Variants in PYHIN1 observed in about 807,000 individuals in gnomAD.
PYHIN1 encodes pyrin and HIN domain family member 1.
A neutral mutation model predicts 43.7 loss-of-function variants in PYHIN1; 32 were observed. The ratio of observed to expected loss-of-function variants is 0.73; its 90% CI spans 0.55 to 0.98. The LOEUF (loss-of-function observed/expected upper bound fraction) is 0.98. PYHIN1 is among the 50% of genes least tolerant of loss of function. The pLI, the probability that PYHIN1 is intolerant of heterozygous loss-of-function variation, is 0.00. For synonymous variants in PYHIN1, 205 were observed against 203.1 expected (o/e 1.01, Z -0.08); for missense variants, 588 against 589.5 (o/e 1.00, Z 0.03).
At chr1:158,964,939 T>A (rs1650543887) in intron 7 of PYHIN1, among the ~76,000 whole-genome samples, 1 of 151,632 alleles carries the variant, frequency 6.6e-6, no homozygotes, top group African/African-American at 2.4e-5. Context: ...AGTCACAGAG[T>A]GGCAGGCTGG....
chr1:158,959,577 G>C (rs1650204085), intron 7 of PYHIN1, among the ~76,000 whole-genome samples: 1 of 152,134 alleles, frequency 6.6e-6, no homozygotes, highest in Admixed American at 6.5e-5. Context: ...AAACCTTCCG[G>C]CCTTCCAAGA....
intron 7 of PYHIN1, among the ~76,000 whole-genome samples, chr1:158,948,566 T>C (rs1228631802): frequency 2.0e-5 from 3 of 152,238 alleles, no homozygotes; most frequent in African/African-American, 7.2e-5. Context: ...CAAGAATCTT[T>C]TGATCTATAC....
chr1:158,980,674 C>T (rs1052505031), downstream of PYHIN1, among the ~76,000 whole-genome samples: 10 of 152,032 alleles, frequency 6.6e-5, no homozygotes, highest in African/African-American at 9.7e-5. Flanking sequence ...CAGACCGGTT[C>T]TCTGCTCTCG....
At chr1:158,953,453 G>A (rs1280579536) in intron 7 of PYHIN1, among the ~76,000 whole-genome samples, 18 of 150,532 alleles carry the variant, frequency 1.2e-4, no homozygotes, top group Non-Finnish European at 2.2e-4. Flanking sequence ...CCTGACCCCC[G>A]AGCAGCCTAA....
downstream of PYHIN1, among the ~76,000 whole-genome samples, chr1:158,980,761 C>T (rs1487811688): frequency 2.0e-5 from 3 of 152,148 alleles, no homozygotes. Flanking sequence ...ATCAGTGGTT[C>T]TGCTTTTACC....
intron 5 of PYHIN1, among the ~76,000 whole-genome samples, chr1:158,942,905 A>C (rs1649002303): frequency 6.6e-6 from 1 of 152,208 alleles, no homozygotes; most frequent in Non-Finnish European, 1.5e-5. Flanking sequence ...TTCTGACCAA[A>C]TGAAATGCAT....
Position 158,946,547 on chromosome 1 carries a change from TTAGATAGATAGATAGA to T in PYHIN1, c.1359+1535_1359+1550del, listed in dbSNP as rs4053507. On this transcript the variant is annotated intron_variant, in intron 7 of 8. Transcript: ENST00000368140. ...TGAAAGAATCCTTCTAGCACAGTGA[TTAGATAGATAGATAGA>T]TAGATAGATAGATAGATAGATAGAT... Among the ~76,000 whole-genome samples the T allele has an allele frequency of 6.8e-3, 1,016 of 148,538 alleles. 10 individuals are homozygous for T. Among genetic ancestry groups the T allele is most frequent in the African/African-American group, 0.024 (971 of 40,226 alleles).
chr1:158,934,420 G>A (rs1003679238), intron 1 of PYHIN1, among the ~76,000 whole-genome samples: 1 of 152,064 alleles, frequency 6.6e-6, no homozygotes, highest in African/African-American at 2.4e-5. Context: ...ATATAAAAAT[G>A]ATTCCATTCT....
intron 7 of PYHIN1, among the ~76,000 whole-genome samples, chr1:158,961,482 A>G (rs559065377): frequency 1.3e-5 from 2 of 152,244 alleles, no homozygotes; most frequent in South Asian, 4.1e-4. Context: ...TAGCAAGTAA[A>G]TGCTAGATCT....
At position 158,942,054 on chromosome 1, in the gene PYHIN1, A is replaced by T. The variant is rs1648950148; in HGVS notation, c.657A>T (p.Val219=). The T allele has an allele frequency of 1.2e-6, 2 of 1,613,874 alleles. No individual in the cohort carries two copies. The highest frequency in any genetic ancestry group is 2.7e-5 in the African/African-American group (2 of 74,944). Residue 219 remains valine (V), a synonymous_variant, in exon 5 of 9, where the codon GTA becomes GTT. Coordinates refer to ENST00000368140, the MANE Select transcript of PYHIN1 (RefSeq NM_152501.5). Reference sequence around the variant, plus strand: ...GAGAAGACCCAATAATCGCGATGGTACTAAATGCAACAAAAGTATTTAAAT... The same window carrying T: ...GAGAAGACCCAATAATCGCGATGGTTCTAAATGCAACAAAAGTATTTAAAT... ...IFREDPIIAM[V]LNATKVFKYE...
chr1:158,934,725 G>C (rs754475286), intron 1 of PYHIN1, among the ~76,000 whole-genome samples: 1 of 152,036 alleles, frequency 6.6e-6, no homozygotes, highest in Non-Finnish European at 1.5e-5. Flanking sequence ...ATTTGTTTTT[G>C]TATTTATTTT....
In PYHIN1 at chr1:158,951,843, G is replaced by A. The variant is rs1649547947; in HGVS notation, c.1359+6801G>A. Among the ~76,000 whole-genome samples the A allele has an allele frequency of 2.0e-5, 3 of 152,124 alleles. No individual in the cohort carries two copies. The South Asian group carries it at 6.2e-4, about 32-fold the overall frequency. On this transcript the variant is annotated intron_variant, in intron 7 of 8. Coordinates refer to ENST00000368140, the MANE Select transcript of PYHIN1 (RefSeq NM_152501.5). ...TTTTGTGATTTTTCTCCCTTTAGAG[G>A]TTACCGTTTTACTTAAATTGGATTT...
chr1:158,986,759 A>C, the PYHIN1 span, among the ~76,000 whole-genome samples: 1 of 152,166 alleles, frequency 6.6e-6, no homozygotes, highest in East Asian at 1.9e-4. Flanking sequence ...ATGGGCGTCC[A>C]TGTCCATGCT....
chr1:158,979,896 T>C (rs1416288711), downstream of PYHIN1, among the ~76,000 whole-genome samples: 1 of 152,150 alleles, frequency 6.6e-6, no homozygotes, highest in Non-Finnish European at 1.5e-5. Context: ...CCTCGACCTT[T>C]AAGTAAACCA....
chr1:158,978,146 G>A (rs955385878), downstream of PYHIN1, among the ~76,000 whole-genome samples: 3 of 151,928 alleles, frequency 2.0e-5, no homozygotes, highest in South Asian at 2.1e-4. Flanking sequence ...GCACCTTTCC[G>A]ATTATGTCTT....
At chr1:158,982,101 T>G in the PYHIN1 span, among the ~76,000 whole-genome samples, 2 of 152,220 alleles carry the variant, frequency 1.3e-5, no homozygotes, top group Admixed American at 1.3e-4. Flanking sequence ...CTTTTTATTC[T>G]GTTGATAGTC....
downstream of PYHIN1, among the ~76,000 whole-genome samples, chr1:158,977,941 C>T (rs370476860): frequency 8.5e-5 from 13 of 152,108 alleles, no homozygotes; most frequent in African/African-American, 3.1e-4. Context: ...CTGAAAAGAG[C>T]CTCACTCTCA....
chr1:158,979,922 CTTCT>C (rs1489610435), downstream of PYHIN1, among the ~76,000 whole-genome samples: 1 of 152,082 alleles, frequency 6.6e-6, no homozygotes, highest in Non-Finnish European at 1.5e-5. Context: ...GTCTATTGTG[CTTCT>C]TTTTGTGTCC....
the PYHIN1 span, among the ~76,000 whole-genome samples, chr1:158,986,684 T>C: frequency 6.6e-6 from 1 of 152,176 alleles, no homozygotes; most frequent in Non-Finnish European, 1.5e-5. Flanking sequence ...ATAGTTCATT[T>C]CTATCCAGCC....
Sources: allele counts gnomAD v4.1 joint callset (sites outside exome capture counted in the v4.1 genomes callset), GRCh38; gene constraint gnomAD v4.1.1; transcripts MANE v1.5; gene names NCBI Gene and HGNC (gene_info 2026-07-23, HGNC 2026-07-21).